SDK2: variants seen among roughly 807,000 people sequenced by gnomAD.
SDK2 encodes protein sidekick-2.
SDK2 carries 105 observed loss-of-function variants against 253.9 expected under a neutral mutation model. The observed-to-expected ratio is 0.41, with a 90% CI of 0.35 to 0.49. SDK2 has a LOEUF of 0.49. Among genes scored for constraint, SDK2 ranks in the 20% least tolerant of loss-of-function variants. SDK2 has a pLI of 0.06. For synonymous variants in SDK2, 1,249 were observed against 1,234.9 expected (o/e 1.01, Z -0.24); for missense variants, 2,608 against 3,003.0 (o/e 0.87, Z 3.07).
At position 73,612,580 on chromosome 17, in the gene SDK2, G is replaced by T. The variant is rs2045990403; in HGVS notation, c.64+31445C>A. Among the ~76,000 whole-genome samples the T allele has an allele frequency of 6.6e-6, 1 of 152,124 alleles. No homozygotes were observed. The highest frequency in any genetic ancestry group is 1.5e-5 in the Non-Finnish European group (1 of 68,018). ...CATTCTGACCCCTTCAGAACTTGGGGGCGGTGGCAAAATGAGAAGCCCAGA... is the reference window on the plus strand; with the variant it reads ...CATTCTGACCCCTTCAGAACTTGGGTGCGGTGGCAAAATGAGAAGCCCAGA... On this transcript the variant is annotated intron_variant, in intron 1 of 44. Transcript: ENST00000392650. The surrounding 1 kb of genome is among the most constrained non-coding windows in gnomAD (Gnocchi z 4.4).
chr17:73,421,842 T>C (rs1240834998), intron 15 of SDK2, among the ~76,000 whole-genome samples: 36 of 152,148 alleles, frequency 2.4e-4, no homozygotes, highest in Non-Finnish European at 2.2e-4. Flanking sequence ...ATTACAGGTG[T>C]GAGCCACCGT....
In SDK2 at chr17:73,481,307, C is replaced by A. The variant is rs1383534677; in HGVS notation, c.225-9089G>T. Among the ~76,000 whole-genome samples, 1 of 152,080 alleles carries A rather than the reference C, an allele frequency of 6.6e-6. No homozygotes were observed. The highest frequency in any genetic ancestry group is 2.4e-5 in the African/African-American group (1 of 41,408). On this transcript the variant is annotated intron_variant, in intron 2 of 44. Coordinates refer to ENST00000392650, the MANE Select transcript of SDK2 (RefSeq NM_001144952.2). The surrounding 1 kb of genome is among the most constrained non-coding windows in gnomAD (Gnocchi z 4.5). The stretch of plus-strand genomic sequence containing the variant: ...TGTGTTCCCCCCACCTTCTAGGGAA[C>A]CTGAGGGTGGAGAGGGGGTACCCGC...
chr17:73,445,830 T>C (rs2145640725), intron 5 of SDK2, among the ~76,000 whole-genome samples: 1 of 152,160 alleles, frequency 6.6e-6, no homozygotes, highest in East Asian at 1.9e-4. Flanking sequence ...GAATTCAGGA[T>C]AAATCAGCGT....
rs529026955 is a variant in SDK2 at position 73,587,570 on chromosome 17, G to C, written c.64+56455C>G. Among the ~76,000 whole-genome samples, 14 of 152,328 alleles carry C rather than the reference G, an allele frequency of 9.2e-5. No homozygotes were observed. The East Asian group carries it at 1.2e-3, about 13-fold the overall frequency. The stretch of plus-strand genomic sequence containing the variant: ...CGTGACTCATGTCATCCTGGTGCAG[G>C]CTCATTCATAAATGAGACGGGACTC... On this transcript the variant is annotated intron_variant, in intron 1 of 44. Coordinates refer to ENST00000392650, the MANE Select transcript of SDK2 (RefSeq NM_001144952.2).
At position 73,457,264 on chromosome 17, in the gene SDK2, TTCCTTCCTTCCTTCCTTCCTTCC is replaced by T. The variant is rs1468772543; in HGVS notation, c.332-1234_332-1212del. Among the ~76,000 whole-genome samples the T allele has an allele frequency of 2.3e-3, 127 of 54,800 alleles. No individual in the cohort carries two copies. The East Asian group carries it at 0.027, about 12-fold the overall frequency. 36.0% of individuals were successfully genotyped at this position (54,800 alleles called of 152,430 possible). On this transcript the variant is annotated intron_variant, in intron 3 of 44. Transcript: ENST00000392650. ...CTTCCTTCCTTCCTTCCTTCCTTCC[TTCCTTCCTTCCTTCCTTCCTTCC>T]CCCCTCCCTCCCTCCCCCTCCCCCC...
chr17:73,446,754 T>C (rs1862495181), intron 5 of SDK2, among the ~76,000 whole-genome samples: 1 of 152,108 alleles, frequency 6.6e-6, no homozygotes, highest in South Asian at 2.1e-4. Context: ...CCAGCTTGTG[T>C]GATGGCTCAG....
At chr17:73,370,156 A>G (rs1393338280) in intron 36 of SDK2, among the ~76,000 whole-genome samples, 1 of 152,218 alleles carries the variant, frequency 6.6e-6, no homozygotes, top group Non-Finnish European at 1.5e-5. Flanking sequence ...AGAGCTAATA[A>G]AAGTGTCCCC....
At chr17:73,468,287 T>C (rs1197170843) in intron 3 of SDK2, among the ~76,000 whole-genome samples, 2 of 152,218 alleles carry the variant, frequency 1.3e-5, no homozygotes, top group Non-Finnish European at 1.5e-5. Context: ...CTCCCACTGA[T>C]GCAGGGTGCA....
intron 37 of SDK2, 95 bp downstream of exon 37, chr17:73,368,312 C>T (rs2062703067): frequency 8.6e-7 from 1 of 1,168,234 alleles, no homozygotes; most frequent in Non-Finnish European, 1.1e-6. Flanking sequence ...AGGCAGCTGC[C>T]CCCATGCCTG....
chr17:73,582,295 AGGCATCAGCATTTGGGGGCG>A (rs2045546747), intron 1 of SDK2, among the ~76,000 whole-genome samples: 1 of 148,218 alleles, frequency 6.7e-6, no homozygotes, highest in African/African-American at 2.6e-5. Context: ...CACACCACGC[AGGCATCAGCATTTGGGGGCG>A]CACACCACGC....
At chr17:73,360,923 G>A (rs1452924153) in intron 39 of SDK2, among the ~76,000 whole-genome samples, 2 of 148,112 alleles carry the variant, frequency 1.4e-5, no homozygotes, top group Admixed American at 6.7e-5. Context: ...ATGACAGAGC[G>A]AGACTCTGTC....
chr17:73,453,001 CAGCAT>C (rs547865919), intron 4 of SDK2, among the ~76,000 whole-genome samples: 79 of 152,368 alleles, frequency 5.2e-4, no homozygotes, highest in African/African-American at 1.9e-3. Context: ...CTGACTCACA[CAGCAT>C]GAGTCCCCTG....
At chr17:73,475,528 C>T (rs2063680398) in intron 2 of SDK2, among the ~76,000 whole-genome samples, 1 of 152,184 alleles carries the variant, frequency 6.6e-6, no homozygotes, top group South Asian at 2.1e-4. Context: ...CATTTGCTTG[C>T]CATCGCAGAG....
At chr17:73,528,307 C>A (rs908919284) in intron 1 of SDK2, among the ~76,000 whole-genome samples, 2 of 152,214 alleles carry the variant, frequency 1.3e-5, no homozygotes, top group African/African-American at 4.8e-5. Flanking sequence ...CTTTTCCCAT[C>A]CTGGGTTCCT....
intron 20 of SDK2, among the ~76,000 whole-genome samples, 156 bp from the exon 21 acceptor site, chr17:73,401,367 G>A (rs1272006691): frequency 1.3e-5 from 2 of 152,198 alleles, no homozygotes; most frequent in Non-Finnish European, 2.9e-5. Context: ...TCATGCCCTG[G>A]GTCTCAGGTG....
chr17:73,538,646 G>C (rs895327783), intron 1 of SDK2, among the ~76,000 whole-genome samples: 1 of 152,198 alleles, frequency 6.6e-6, no homozygotes, highest in African/African-American at 2.4e-5. Flanking sequence ...CCCACACTGG[G>C]GATTCGGGGA....
chr17:73,409,819 C>T (rs1039661497), intron 18 of SDK2, among the ~76,000 whole-genome samples: 1 of 114,620 alleles, frequency 8.7e-6, no homozygotes. Flanking sequence ...ATAATACATT[C>T]TCTCTCTCTC....
chr17:73,378,798 A>T (rs1013114846), intron 36 of SDK2, among the ~76,000 whole-genome samples: 1 of 152,088 alleles, frequency 6.6e-6, no homozygotes, highest in African/African-American at 2.4e-5. Context: ...TAATATCAAT[A>T]TTGTAATTAT....
intron 1 of SDK2, among the ~76,000 whole-genome samples, chr17:73,537,390 C>T (rs1288948544): frequency 2.0e-5 from 3 of 152,140 alleles, no homozygotes; most frequent in Admixed American, 1.3e-4. Context: ...CCTTCTGCCC[C>T]GACTCCAGCC....
Sources: gnomAD v4.1 joint callset for allele counts (sites outside exome capture counted in the v4.1 genomes callset) on GRCh38, gnomAD v4.1.1 for gene constraint, Gnocchi (gnomAD v3.1) non-coding constraint, MANE v1.5 for transcripts, NCBI Gene and HGNC (gene_info 2026-07-23, HGNC 2026-07-21) for gene names.